TLL1: variants seen among roughly 807,000 people sequenced by gnomAD.
The protein encoded by TLL1 is tolloid like 1.
Under a neutral mutation model 128.2 loss-of-function variants are expected in TLL1, and 49 were observed. The ratio of observed to expected loss-of-function variants is 0.38; its 90% CI spans 0.30 to 0.48. The LOEUF is 0.48. TLL1 is among the 20% of genes least tolerant of loss of function. The pLI is 0.96. For synonymous variants in TLL1, 454 were observed against 418.8 expected, an observed-to-expected ratio of 1.08 and a Z score of -1.03; for missense variants, 1,123 against 1,242.0, an observed-to-expected ratio of 0.90 and a Z score of 1.44.
chr4:166,039,296 A>G, intron 9 of TLL1, 43 bp from the exon 10 acceptor site: 2 of 1,372,330 alleles, frequency 1.5e-6, no homozygotes, highest in Non-Finnish European at 2.1e-6. Flanking sequence ...ATATGTAGAT[A>G]CAATCATTTT....
chr4:165,941,139 T>C (rs947649910), intron 1 of TLL1, among the ~76,000 whole-genome samples: 1 of 152,184 alleles, frequency 6.6e-6, no homozygotes, highest in South Asian at 2.1e-4. Flanking sequence ...CTTCTTGGTA[T>C]GTAAGTTTGA....
chr4:165,913,591 C>T (rs564824763), intron 1 of TLL1, among the ~76,000 whole-genome samples: 3 of 152,226 alleles, frequency 2.0e-5, no homozygotes, highest in African/African-American at 7.2e-5. Context: ...GCATATTGCC[C>T]TTAATTTGCT....
intron 1 of TLL1, among the ~76,000 whole-genome samples, chr4:165,945,000 G>C (rs553293959): frequency 1.3e-5 from 2 of 151,680 alleles, no homozygotes; most frequent in South Asian, 4.2e-4. Context: ...CACAGGCATG[G>C]GTATAATAAT....
intron 1 of TLL1, among the ~76,000 whole-genome samples, chr4:165,950,682 G>A (rs1369405511): frequency 6.6e-6 from 1 of 151,864 alleles, no homozygotes; most frequent in African/African-American, 2.4e-5. Flanking sequence ...GGTCAAAGAA[G>A]AAATATCAAA....
intron 16 of TLL1, among the ~76,000 whole-genome samples, chr4:166,068,965 A>C (rs1325190401): frequency 6.6e-6 from 1 of 151,640 alleles, no homozygotes. Context: ...AAATACCAAG[A>C]ATGCTTGGTT....
intron 1 of TLL1, among the ~76,000 whole-genome samples, chr4:165,904,229 G>T (rs78787263): frequency 6.6e-6 from 1 of 151,942 alleles, no homozygotes; most frequent in Non-Finnish European, 1.5e-5. Flanking sequence ...TTGATTACTC[G>T]GCCAACTACT....
At chr4:166,002,645 A>G (rs1264118705) in intron 5 of TLL1, among the ~76,000 whole-genome samples, 1 of 151,920 alleles carries the variant, frequency 6.6e-6, no homozygotes, top group African/African-American at 2.4e-5. Context: ...GGGTCTTACC[A>G]TGTTTCCTAG....
chr4:166,075,377 G>T (rs1740975071), intron 17 of TLL1, among the ~76,000 whole-genome samples: 1 of 152,108 alleles, frequency 6.6e-6, no homozygotes, highest in Non-Finnish European at 1.5e-5. Flanking sequence ...AAAATATCTT[G>T]TATATCTTGT....
rs567045613 is a variant in TLL1 at position 165,921,951 on chromosome 4, G to T, written c.169+47878G>T. 6.2e-5 allele frequency among the ~76,000 whole-genome samples: 8 copies of T among 129,460 alleles called. No homozygotes were observed. In the Middle Eastern group the frequency reaches 0.011, roughly 185 times the overall value. 84.9% of individuals were successfully genotyped at this position (129,460 alleles called of 152,430 possible). A position where few individuals can be genotyped will look rare whatever the true frequency, so the allele number is the denominator to read the frequency against. On this transcript the variant is annotated intron_variant, in intron 1 of 20. Transcript: ENST00000061240. ...AACAGAGCATGAGAAGAAATACAGA[G>T]AAACCTGAATTATATAATGAAAATG... is the stretch of plus-strand genomic sequence containing the variant.
chr4:166,086,502 G>A (rs995373932), intron 18 of TLL1, among the ~76,000 whole-genome samples: 2 of 152,074 alleles, frequency 1.3e-5, no homozygotes, highest in South Asian at 4.2e-4. Flanking sequence ...GCAATTGTAT[G>A]TCTGTCATCT....
chr4:166,087,234 T>C (rs1741564015), intron 18 of TLL1, among the ~76,000 whole-genome samples: 3 of 152,192 alleles, frequency 2.0e-5, no homozygotes. Context: ...TCCTTGAGTT[T>C]TGGAGTTCTG....
chr4:166,038,332 A>G (rs72697380), intron 9 of TLL1, among the ~76,000 whole-genome samples: 3 of 152,148 alleles, frequency 2.0e-5, no homozygotes, highest in Non-Finnish European at 4.4e-5. Flanking sequence ...ATATTGCTAC[A>G]AACTATAGTT....
intron 1 of TLL1, among the ~76,000 whole-genome samples, chr4:165,987,525 A>AT (rs1394608062): frequency 1.3e-5 from 2 of 152,082 alleles, no homozygotes; most frequent in African/African-American, 4.8e-5. Context: ...CTTTGCTGCT[A>AT]TGAGAGTAAA....
intron 1 of TLL1, among the ~76,000 whole-genome samples, chr4:165,981,265 G>A (rs1056386995): frequency 2.0e-5 from 3 of 152,024 alleles, no homozygotes; most frequent in African/African-American, 7.2e-5. Flanking sequence ...TTACTGAAAT[G>A]TTTTGGATGT....
intron 18 of TLL1, among the ~76,000 whole-genome samples, chr4:166,085,595 T>A (rs1009466109): frequency 6.6e-6 from 1 of 152,134 alleles, no homozygotes; most frequent in African/African-American, 2.4e-5. Context: ...GATCTGTGTA[T>A]GTTGAACCAT....
chr4:165,946,904 A>T (rs1247428020), intron 1 of TLL1, among the ~76,000 whole-genome samples: 2 of 152,082 alleles, frequency 1.3e-5, no homozygotes, highest in African/African-American at 4.8e-5. Context: ...AAAGAGGAAC[A>T]ATTGCTATAT....
intron 1 of TLL1, among the ~76,000 whole-genome samples, chr4:165,921,895 C>T (rs539648685): frequency 1.7e-4 from 26 of 151,804 alleles, no homozygotes; most frequent in African/African-American, 2.9e-4. Context: ...AGAGCAGAAA[C>T]GTAGAAAAGT....
chr4:165,991,669 T>C (rs1040154319), intron 2 of TLL1, among the ~76,000 whole-genome samples: 13 of 152,126 alleles, frequency 8.5e-5, no homozygotes, highest in Admixed American at 2.6e-4. Context: ...TTTATCATTT[T>C]TTTTTAGCTT....
intron 1 of TLL1, among the ~76,000 whole-genome samples, chr4:165,909,634 G>A (rs908717118): frequency 3.9e-5 from 6 of 152,202 alleles, no homozygotes; most frequent in African/African-American, 1.4e-4. Flanking sequence ...AGGGTTTGTT[G>A]AAACATAACT....
Sources: gnomAD v4.1 joint callset for allele counts (sites outside exome capture counted in the v4.1 genomes callset) on GRCh38, gnomAD v4.1.1 for gene constraint, MANE v1.5 for transcripts, NCBI Gene and HGNC (gene_info 2026-07-23, HGNC 2026-07-21) for gene names.